ZFAT: variants seen among roughly 807,000 people sequenced by gnomAD.
ZFAT encodes the protein zinc finger and AT-hook domain containing, also known as zinc finger protein ZFAT.
ZFAT carries 64 observed loss-of-function variants against 117.7 expected under a neutral mutation model. The observed-to-expected ratio is 0.54, with a 90% CI of 0.44 to 0.67. The LOEUF (loss-of-function observed/expected upper bound fraction) is 0.67, where lower values mean the gene tolerates loss of function less well. ZFAT is among the 30% of genes least tolerant of loss of function. The pLI is 0.00. For missense variants in ZFAT, 1,433 were observed against 1,584.5 expected (o/e 0.90, Z 1.62); for synonymous variants, 679 against 615.0 (o/e 1.10, Z -1.54).
the ZFAT span, among the ~76,000 whole-genome samples, chr8:134,787,852 A>G: frequency 0.51 from 77,463 of 151,774 alleles, 20,419 homozygotes; most frequent in African/African-American, 0.61. Context: ...TTTATTTTAC[A>G]CTAGTGTAAA....
chr8:134,773,093 C>CAA, the ZFAT span, among the ~76,000 whole-genome samples: 23 of 104,070 alleles, frequency 2.2e-4, no homozygotes, highest in South Asian at 1.3e-3. Context: ...AATCCCAATT[C>CAA]AAAAAAAAAA....
intron 11 of ZFAT, among the ~76,000 whole-genome samples, chr8:134,537,789 A>T (rs1204169762): frequency 6.6e-6 from 1 of 152,234 alleles, no homozygotes; most frequent in Admixed American, 6.5e-5. Context: ...GGGAATAAAA[A>T]TATGGGAAAA....
chr8:134,831,352 C>A, the ZFAT span, among the ~76,000 whole-genome samples: 1 of 152,206 alleles, frequency 6.6e-6, no homozygotes, highest in Non-Finnish European at 1.5e-5. Flanking sequence ...TCCCTCTCTC[C>A]CAAGTAACTT....
At position 134,553,183 on chromosome 8, in the gene ZFAT, T is replaced by C. The variant is rs75919910; in HGVS notation, c.2976+12150A>G. Reference sequence around the variant, plus strand: ...TTCACTGTTAGAAGGAGGCTGTTTATTAAGAACTCTGGGTGGGAGACATAC... The same window carrying C: ...TTCACTGTTAGAAGGAGGCTGTTTACTAAGAACTCTGGGTGGGAGACATAC... On this transcript the variant is annotated intron_variant, in intron 11 of 15. Coordinates refer to ENST00000377838, the MANE Select transcript of ZFAT (RefSeq NM_020863.4). 9.9e-3 allele frequency among the ~76,000 whole-genome samples: 1,505 copies of C among 152,242 alleles called. 20 individuals are homozygous for C. Among genetic ancestry groups the C allele is most frequent in the African/African-American group, 0.035 (1,434 of 41,526 alleles).
At chr8:134,780,572 A>C in the ZFAT span, among the ~76,000 whole-genome samples, 1 of 152,256 alleles carries the variant, frequency 6.6e-6, no homozygotes, top group East Asian at 1.9e-4. Flanking sequence ...CATGTTTAGA[A>C]GCCAGAAATC....
At chr8:134,733,427 T>C in the ZFAT span, among the ~76,000 whole-genome samples, 31 of 152,306 alleles carry the variant, frequency 2.0e-4, no homozygotes, top group African/African-American at 6.5e-4. Flanking sequence ...CCTGAGAAAG[T>C]TTCCTGCCCC....
the ZFAT span, among the ~76,000 whole-genome samples, chr8:134,831,171 C>T: frequency 6.6e-6 from 1 of 152,182 alleles, no homozygotes; most frequent in Non-Finnish European, 1.5e-5. Flanking sequence ...TCCCACGGAA[C>T]ACGGAGCCTG....
At chr8:134,712,716 T>A in intron 1 of ZFAT, 129 bp downstream of exon 1, 1 of 736,484 alleles carries the variant, frequency 1.4e-6, no homozygotes, top group Non-Finnish European at 1.9e-6. Context: ...CCCGGATCCC[T>A]CCGCGGCCGG....
chr8:134,503,960 C>A lies in ZFAT; in HGVS notation c.3492+5659G>T, dbSNP rs201871779. ...CACACGCACACGAACACACACACAC[C>A]CCTATGAGTTCTGTTTCTCTAAGAA... On this transcript the variant is annotated intron_variant, in intron 15 of 15. Coordinates refer to ENST00000377838, the MANE Select transcript of ZFAT (RefSeq NM_020863.4). 1.8e-4 allele frequency among the ~76,000 whole-genome samples: 27 copies of A among 151,882 alleles called. 1 individual carries two copies. In the Middle Eastern group the frequency reaches 0.01, roughly 57 times the overall value.
the ZFAT span, among the ~76,000 whole-genome samples, chr8:134,801,136 T>G: frequency 3.3e-5 from 5 of 152,126 alleles, no homozygotes; most frequent in Non-Finnish European, 5.9e-5. Context: ...AATGAAACAC[T>G]GTGAGGAGCT....
chr8:134,671,302 A>G (rs1176300769), intron 1 of ZFAT, among the ~76,000 whole-genome samples: 1 of 152,208 alleles, frequency 6.6e-6, no homozygotes, highest in Non-Finnish European at 1.5e-5. Flanking sequence ...CACAACAAAA[A>G]AAGAGAATTT....
At chr8:134,819,641 T>G in the ZFAT span, among the ~76,000 whole-genome samples, 1 of 152,014 alleles carries the variant, frequency 6.6e-6, no homozygotes, top group Non-Finnish European at 1.5e-5. Context: ...ATTCCACTTG[T>G]CCCTTAAATA....
At chr8:134,826,342 C>T in the ZFAT span, among the ~76,000 whole-genome samples, 1 of 152,086 alleles carries the variant, frequency 6.6e-6, no homozygotes, top group Non-Finnish European at 1.5e-5. Context: ...CATATAATCA[C>T]GAAGAACAAA....
the ZFAT span, chr8:134,793,769 G>C: frequency 2.6e-5 from 4 of 152,044 alleles, no homozygotes; most frequent in African/African-American, 9.7e-5. Flanking sequence ...GATTTATCTA[G>C]ATTATCTAAT....
At chr8:134,725,240 C>A in the ZFAT span, among the ~76,000 whole-genome samples, 1 of 152,214 alleles carries the variant, frequency 6.6e-6, no homozygotes, top group Non-Finnish European at 1.5e-5. Flanking sequence ...CCTCAGGGCA[C>A]AAGTTCAAGC....
In ZFAT at chr8:134,509,700, C is replaced by A; in HGVS notation, c.3411G>T (p.Glu1137Asp). 2 of 1,612,228 alleles carry A rather than the reference C, an allele frequency of 1.2e-6. No homozygotes were observed. Among genetic ancestry groups the A allele is most frequent in the Non-Finnish European group, 1.7e-6 (2 of 1,179,416 alleles). Reference sequence around the variant, plus strand: ...TGGCGTCATGGGTCTCGGCGCCCAGCTCAATGATCTGCTGCAGGATGTTCA... The same window carrying A: ...TGGCGTCATGGGTCTCGGCGCCCAGATCAATGATCTGCTGCAGGATGTTCA... Reference protein sequence around the residue: ...TAVNILQQIIELGAETHDATA... With the variant: ...TAVNILQQIIDLGAETHDATA... The change falls in exon 15 of 16, where the codon GAG becomes GAT. Residue 1137 changes from glutamate (E) to aspartate (D), a missense_variant. By Grantham distance (45) the Glu-to-Asp change is conservative. Around this residue, in one of 5 missense-constraint regions of ZFAT, gnomAD observed 503 missense variants for 543.4 expected, o/e 0.93. Transcript: ENST00000377838.
At chr8:134,649,241 C>T (rs1583969) in intron 2 of ZFAT, among the ~76,000 whole-genome samples, 111,589 of 150,832 alleles carry the variant, frequency 0.74, 41,740 homozygotes, top group African/African-American at 0.84. Context: ...ATACTTTCTT[C>T]CTAAGATAGT....
At chr8:134,615,426 T>A (rs1828648678) in intron 3 of ZFAT, among the ~76,000 whole-genome samples, 1 of 152,166 alleles carries the variant, frequency 6.6e-6, no homozygotes, top group Admixed American at 6.5e-5. Context: ...TGACCGCAAG[T>A]GATCCATGCA....
chr8:134,521,640 A>G (rs1820666322), intron 12 of ZFAT, among the ~76,000 whole-genome samples: 1 of 152,244 alleles, frequency 6.6e-6, no homozygotes, highest in African/African-American at 2.4e-5. Flanking sequence ...TTAAAAAAAA[A>G]AACAAAAACT....
Sources: gnomAD v4.1 joint callset for allele counts (sites outside exome capture counted in the v4.1 genomes callset) on GRCh38, gnomAD v4.1.1 for gene constraint, gnomAD v4.1.1 regional missense constraint, MANE v1.5 for transcripts, NCBI Gene and HGNC (gene_info 2026-07-23, HGNC 2026-07-21) for gene names.